Variants in KLF12 observed in about 807,000 individuals in gnomAD.
KLF12 encodes the protein Krueppel-like factor 12.
KLF12 carries 9 observed loss-of-function variants against 37.8 expected under a neutral mutation model. The ratio of observed to expected loss-of-function variants is 0.24; its 90% confidence interval spans 0.14 to 0.42. The LOEUF is 0.42. KLF12 is among the 10% of genes least tolerant of loss of function. The pLI, the probability that KLF12 is intolerant of heterozygous loss-of-function variation, is 1.00. For synonymous variants in KLF12, 208 were observed against 202.1 expected (o/e 1.03, Z -0.25); for missense variants, 411 against 516.0 (o/e 0.80, Z 1.97).
At chr13:74,084,651 CAG>C (rs1240279120) in intron 1 of KLF12, among the ~76,000 whole-genome samples, 8 of 152,278 alleles carry the variant, frequency 5.3e-5, no homozygotes, top group Admixed American at 3.3e-4. Flanking sequence ...GCCACAATAA[CAG>C]TGTTCCGTTT....
intron 7 of KLF12, among the ~76,000 whole-genome samples, chr13:73,701,818 G>T (rs1874579407): frequency 6.6e-6 from 1 of 151,770 alleles, no homozygotes; most frequent in Non-Finnish European, 1.5e-5. Flanking sequence ...TAAATCCTTA[G>T]GCCACTTCCA....
intron 3 of KLF12, among the ~76,000 whole-genome samples, chr13:73,912,568 G>T (rs1593715236): frequency 6.6e-6 from 1 of 152,100 alleles, no homozygotes; most frequent in African/African-American, 2.4e-5. Flanking sequence ...ACCAAAAATT[G>T]CTGGCGAACA....
intron 4 of KLF12, chr13:73,845,023 AG>A (rs1235677951): frequency 1.3e-5 from 2 of 152,166 alleles, no homozygotes; most frequent in Non-Finnish European, 2.9e-5. Context: ...AATTTCTTCT[AG>A]TAAAATTCAG....
At chr13:73,870,109 T>C (rs192087726) in intron 3 of KLF12, among the ~76,000 whole-genome samples, 1 of 152,322 alleles carries the variant, frequency 6.6e-6, no homozygotes, top group East Asian at 1.9e-4. Context: ...ATATCTAACA[T>C]TGCTTTTCTT....
the KLF12 span, among the ~76,000 whole-genome samples, chr13:74,177,121 T>C: frequency 6.6e-6 from 1 of 152,192 alleles, no homozygotes; most frequent in Non-Finnish European, 1.5e-5. Flanking sequence ...AAATTAAGTG[T>C]AATTATGAAT....
the KLF12 span, among the ~76,000 whole-genome samples, chr13:74,175,156 C>A: frequency 2.6e-5 from 4 of 152,192 alleles, no homozygotes; most frequent in Admixed American, 6.5e-5. Flanking sequence ...ATTGCACATT[C>A]AGATCCCAAT....
intron 6 of KLF12, among the ~76,000 whole-genome samples, chr13:73,756,283 T>C (rs1879162610): frequency 6.6e-6 from 1 of 152,232 alleles, no homozygotes; most frequent in South Asian, 2.1e-4. Context: ...TCCTCTGTTT[T>C]CTGCCTATCG....
At chr13:74,230,685 A>C in the KLF12 span, among the ~76,000 whole-genome samples, 1 of 152,142 alleles carries the variant, frequency 6.6e-6, no homozygotes, top group South Asian at 2.1e-4. Context: ...TTCTACCCCG[A>C]GGCACCACAC....
chr13:74,220,775 T>C, the KLF12 span, among the ~76,000 whole-genome samples: 1 of 152,214 alleles, frequency 6.6e-6, no homozygotes, highest in Non-Finnish European at 1.5e-5. Context: ...TATTTGTGTT[T>C]CTGTGCCTGG....
intron 3 of KLF12, among the ~76,000 whole-genome samples, chr13:73,937,910 A>G (rs1008507710): frequency 6.8e-6 from 1 of 146,324 alleles, no homozygotes; most frequent in Non-Finnish European, 1.5e-5. Flanking sequence ...CTTTCCGCTT[A>G]AAAAAAAAAA....
At chr13:74,228,363 G>A in the KLF12 span, among the ~76,000 whole-genome samples, 1 of 152,080 alleles carries the variant, frequency 6.6e-6, no homozygotes, top group Non-Finnish European at 1.5e-5. Context: ...AGCTGGACAT[G>A]TTAGGTTTTA....
chr13:73,967,382 A>G (rs2138078736), intron 2 of KLF12, among the ~76,000 whole-genome samples: 1 of 152,340 alleles, frequency 6.6e-6, no homozygotes, highest in East Asian at 1.9e-4. Context: ...TCAACGCCAG[A>G]AGAATACAGT....
chr13:73,977,294 C>G (rs1449291297), intron 2 of KLF12, among the ~76,000 whole-genome samples: 1 of 152,114 alleles, frequency 6.6e-6, no homozygotes, highest in Non-Finnish European at 1.5e-5. Flanking sequence ...GATCTGCTCA[C>G]CTCAGCCTCC....
chr13:74,003,283 A>T (rs1235311149), intron 1 of KLF12, among the ~76,000 whole-genome samples: 1 of 152,234 alleles, frequency 6.6e-6, no homozygotes, highest in Non-Finnish European at 1.5e-5. Flanking sequence ...TTCAGGGAAA[A>T]GAGATGGACT....
At chr13:74,055,189 A>C (rs1873177742) in intron 1 of KLF12, among the ~76,000 whole-genome samples, 2 of 152,366 alleles carry the variant, frequency 1.3e-5, no homozygotes, top group Middle Eastern at 3.4e-3. Context: ...AGTTGTAACA[A>C]GTCAAATTCT....
chr13:74,122,236 G>A (rs951930924), intron 1 of KLF12, among the ~76,000 whole-genome samples: 1 of 151,940 alleles, frequency 6.6e-6, no homozygotes, highest in South Asian at 2.1e-4. Context: ...CCCACAAAAG[G>A]ACAATAACCA....
At chr13:73,898,802 A>T (rs75830088) in intron 3 of KLF12, among the ~76,000 whole-genome samples, 2,802 of 152,348 alleles carry the variant, frequency 0.018, 96 homozygotes, top group Admixed American at 0.086. Context: ...CCTTCCATTT[A>T]TCCAAAAATG....
At chr13:74,156,739 C>T in the KLF12 span, among the ~76,000 whole-genome samples, 1 of 151,840 alleles carries the variant, frequency 6.6e-6, no homozygotes, top group Non-Finnish European at 1.5e-5. Flanking sequence ...TCTTTCTGTA[C>T]CTGGCTTATT....
At chr13:73,848,785 T>G (rs1885162190) in intron 3 of KLF12, among the ~76,000 whole-genome samples, 1 of 152,000 alleles carries the variant, frequency 6.6e-6, no homozygotes, top group South Asian at 2.1e-4. Context: ...TAAACCAAAC[T>G]TTGGGACCAA....
Sources: allele counts gnomAD v4.1 joint callset (sites outside exome capture counted in the v4.1 genomes callset), GRCh38; gene constraint gnomAD v4.1.1; transcripts MANE v1.5; gene names NCBI Gene and HGNC (gene_info 2026-07-23, HGNC 2026-07-21).